ITPR1: variants seen among roughly 807,000 people sequenced by gnomAD.
ITPR1 encodes the protein inositol 1,4,5-trisphosphate-gated calcium channel ITPR1.
Under a neutral mutation model 318.4 loss-of-function variants are expected in ITPR1, and 96 were observed. That is an observed-to-expected ratio of 0.30 (90% CI 0.26 to 0.36). The LOEUF (loss-of-function observed/expected upper bound fraction) is 0.36. ITPR1 is among the 10% of genes least tolerant of loss of function. ITPR1 has a pLI of 1.00. For synonymous variants in ITPR1, 1,312 were observed against 1,289.9 expected (o/e 1.02, Z -0.37); for missense variants, 2,440 against 3,460.2 (o/e 0.71, Z 7.40).
At chr3:4,554,702 G>T (rs2085949121) in intron 4 of ITPR1, among the ~76,000 whole-genome samples, 1 of 120,782 alleles carries the variant, frequency 8.3e-6, no homozygotes, top group Non-Finnish European at 1.9e-5. Flanking sequence ...AATCATGATG[G>T]GGGCCAGTGA....
At chr3:4,514,657 A>G (rs2082060501) in intron 2 of ITPR1, among the ~76,000 whole-genome samples, 1 of 152,158 alleles carries the variant, frequency 6.6e-6, no homozygotes, top group South Asian at 2.1e-4. Flanking sequence ...CTGCATTTGG[A>G]AATTCCCTGG....
intron 44 of ITPR1, among the ~76,000 whole-genome samples, chr3:4,743,987 C>G (rs185725557): frequency 7.3e-4 from 111 of 152,176 alleles, no homozygotes; most frequent in Middle Eastern, 3.4e-3. Flanking sequence ...GGTGCCCACC[C>G]CCACGCCCAG....
rs77927338 is a variant in ITPR1 at position 4,670,002 on chromosome 3, C to T, written c.2006+229C>T. 0.023 allele frequency among the ~76,000 whole-genome samples: 3,492 copies of T among 152,258 alleles called. 109 individuals are homozygous for T. Among genetic ancestry groups the T allele is most frequent in the African/African-American group, 0.071 (2,955 of 41,534 alleles). ...TTATTTTGCATACAAGTTTAGAAGT[C>T]ATGTAAACTCACCGGGGAGCATTTT... On this transcript the variant is annotated intron_variant, in intron 19 of 61. Coordinates refer to ENST00000649015, the MANE Select transcript of ITPR1 (RefSeq NM_001378452.1).
chr3:4,702,779 G>A, intron 35 of ITPR1, 51 bp from the exon 36 acceptor site: 1 of 1,585,098 alleles, frequency 6.3e-7, no homozygotes, highest in South Asian at 1.1e-5. Flanking sequence ...ATCATCAGTA[G>A]TCTACAAATA....
chr3:4,711,665 A>T (rs952406407), intron 38 of ITPR1, 92 bp from the exon 39 acceptor site: 1 of 725,946 alleles, frequency 1.4e-6, no homozygotes, highest in Admixed American at 2.2e-5. Context: ...ATATTTGTTC[A>T]TTAACGGACT....
intron 52 of ITPR1, among the ~76,000 whole-genome samples, chr3:4,790,107 T>C (rs2047458360): frequency 6.6e-6 from 1 of 152,256 alleles, no homozygotes; most frequent in East Asian, 1.9e-4. Context: ...ATTTTGGAGA[T>C]GACAAAAAGG....
chr3:4,708,843 A>G (rs1008864070), intron 37 of ITPR1, among the ~76,000 whole-genome samples: 6 of 152,332 alleles, frequency 3.9e-5, no homozygotes, highest in Middle Eastern at 3.4e-3. Flanking sequence ...CAAACAGACC[A>G]CTTCTATAAT....
At chr3:4,508,187 G>C (rs1309545502) in intron 2 of ITPR1, among the ~76,000 whole-genome samples, 2 of 152,158 alleles carry the variant, frequency 1.3e-5, no homozygotes, top group African/African-American at 4.8e-5. Flanking sequence ...CTGAAAGTCA[G>C]ACTGTTCAGC....
chr3:4,797,448 G>A (rs920122975), intron 53 of ITPR1, among the ~76,000 whole-genome samples: 1 of 152,148 alleles, frequency 6.6e-6, no homozygotes, highest in Admixed American at 6.6e-5. Flanking sequence ...CGTATTATGT[G>A]TGCTGATTTT....
In ITPR1 at chr3:4,831,127, T is replaced by TCACACACACACACACA. The variant is rs879186803; in HGVS notation, c.8029-5646_8029-5645insACACACACACACACAC. 1,968 of 334,858 alleles carry TCACACACACACACACA rather than the reference T, an allele frequency of 5.9e-3. 19 individuals carry two copies. The highest frequency in any genetic ancestry group is 0.023 in the African/African-American group (801 of 34,606). 20.7% of individuals were successfully genotyped at this position (334,858 alleles called of 1,614,324 possible). ...CTTTGTCTCTCTCTCTCTCTCTCTC[T>TCACACACACACACACA]CTCTCACACACACACACACACACAC... On this transcript the variant is annotated intron_variant, in intron 60 of 61. Coordinates refer to ENST00000649015, the MANE Select transcript of ITPR1 (RefSeq NM_001378452.1).
intron 54 of ITPR1, among the ~76,000 whole-genome samples, chr3:4,804,131 C>A (rs1211360015): frequency 1.3e-5 from 2 of 152,222 alleles, no homozygotes; most frequent in Non-Finnish European, 2.9e-5. Flanking sequence ...CTCGGCCTCC[C>A]AAAGTGCTGG....
At position 4,645,488 on chromosome 3, in the gene ITPR1, T is replaced by C. The variant is rs368361481; in HGVS notation, c.708+18T>C. The C allele has an allele frequency of 3.1e-6, 5 of 1,607,370 alleles. No homozygotes were observed. The African/African-American group carries it at 6.7e-5, about 21-fold the overall frequency. On this transcript the variant is annotated intron_variant, in intron 9 of 61. Transcript: ENST00000649015. ...TAAAGGGGGTGAGTTTGATGCTTTA[T>C]GGGCTGAGCATTACTTGGCTCTTCT...
At chr3:4,719,409 G>A (rs1320740233) in intron 40 of ITPR1, among the ~76,000 whole-genome samples, 2 of 152,230 alleles carry the variant, frequency 1.3e-5, no homozygotes, top group African/African-American at 2.4e-5. Flanking sequence ...CACAGCTCCT[G>A]TGGTTTCTCC....
chr3:4,573,570 G>T (rs2088273115), intron 4 of ITPR1, among the ~76,000 whole-genome samples: 1 of 152,186 alleles, frequency 6.6e-6, no homozygotes, highest in Non-Finnish European at 1.5e-5. Flanking sequence ...ATTCAAAGTT[G>T]TTTCCTTGGT....
chr3:4,740,353 C>T (rs2043610791), intron 44 of ITPR1, among the ~76,000 whole-genome samples: 1 of 152,190 alleles, frequency 6.6e-6, no homozygotes, highest in Non-Finnish European at 1.5e-5. Flanking sequence ...TCTTGTCTTT[C>T]TCCTTTTGGA....
chr3:4,583,284 T>C (rs2089540173), intron 4 of ITPR1, among the ~76,000 whole-genome samples: 1 of 152,228 alleles, frequency 6.6e-6, no homozygotes, highest in Non-Finnish European at 1.5e-5. Flanking sequence ...CTGAACTTCA[T>C]GCTCTAAAAC....
At chr3:4,755,991 A>G (rs973765452) in intron 44 of ITPR1, among the ~76,000 whole-genome samples, 6 of 152,216 alleles carry the variant, frequency 3.9e-5, no homozygotes, top group Non-Finnish European at 5.9e-5. Context: ...AGAGCTGCAG[A>G]TGTTGGCTGG....
Position 4,680,744 on chromosome 3 carries a change from A to G in ITPR1, c.3106+53A>G, listed in dbSNP as rs2094281660. 20 of 1,498,048 alleles carry G rather than the reference A, an allele frequency of 1.3e-5. 1 individual carries two copies. The highest frequency in any genetic ancestry group is 3.4e-4 in the Middle Eastern group (2 of 5,798). The allele number at this position is 1,498,048 out of a possible 1,614,324, so 92.8% of individuals were successfully genotyped here. A position where few individuals can be genotyped will look rare whatever the true frequency, so the allele number is the denominator to read the frequency against. ...CATAGAATGGGACCTGGCTCTAAGG[A>G]AAATGGGGAGAGCAAACAGTATCTT... On this transcript the variant is annotated intron_variant, in intron 25 of 61. Coordinates refer to ENST00000649015, the MANE Select transcript of ITPR1 (RefSeq NM_001378452.1).
intron 4 of ITPR1, among the ~76,000 whole-genome samples, chr3:4,527,217 C>G (rs1040525018): frequency 6.6e-6 from 1 of 152,166 alleles, no homozygotes; most frequent in African/African-American, 2.4e-5. Context: ...CACTCTGTTG[C>G]CCAGGCTGGA....
Sources: allele counts gnomAD v4.1 joint callset (sites outside exome capture counted in the v4.1 genomes callset), GRCh38; gene constraint gnomAD v4.1.1; transcripts MANE v1.5; gene names NCBI Gene and HGNC (gene_info 2026-07-23, HGNC 2026-07-21).